The following GLIS3 variants were observed in gnomAD, a reference collection of about 807,000 sequenced individuals.
GLIS3 encodes zinc finger protein GLIS3.
Under a neutral mutation model 78.6 loss-of-function variants are expected in GLIS3, and 53 were observed. That is an observed-to-expected ratio of 0.67 (90% CI 0.54 to 0.85). GLIS3 has a LOEUF of 0.85. Among genes scored for constraint, GLIS3 ranks in the 40% least tolerant of loss-of-function variants. The pLI is 0.00. For missense variants in GLIS3, 1,703 were observed against 1,231.1 expected (o/e 1.38, Z -5.74); for synonymous variants, 684 against 509.9 (o/e 1.34, Z -4.60).
At chr9:4,397,520 G>A in the GLIS3 span, among the ~76,000 whole-genome samples, 15 of 151,732 alleles carry the variant, frequency 9.9e-5, no homozygotes, top group Non-Finnish European at 2.1e-4. Flanking sequence ...CCCAGAAACT[G>A]TTGAAGAAAA....
chr9:4,253,408 G>C (rs1480962398), intron 2 of GLIS3, among the ~76,000 whole-genome samples: 1 of 152,196 alleles, frequency 6.6e-6, no homozygotes, highest in Non-Finnish European at 1.5e-5. Flanking sequence ...TTTACACTAT[G>C]AGGGGAAAAC....
chr9:4,158,189 C>CT (rs1564130462), intron 2 of GLIS3, among the ~76,000 whole-genome samples: 1 of 152,166 alleles, frequency 6.6e-6, no homozygotes, highest in Non-Finnish European at 1.5e-5. Context: ...AGAATTCCTT[C>CT]TTATGTTTCA....
chr9:4,142,257 C>G (rs1464527508), intron 2 of GLIS3, among the ~76,000 whole-genome samples: 1 of 152,110 alleles, frequency 6.6e-6, no homozygotes, highest in African/African-American at 2.4e-5. Context: ...AATGCTAAAG[C>G]TGAGAATAAA....
intron 4 of GLIS3, among the ~76,000 whole-genome samples, chr9:4,086,816 T>G (rs926859505): frequency 6.6e-6 from 1 of 152,214 alleles, no homozygotes; most frequent in Non-Finnish European, 1.5e-5. Context: ...ATAACCCCTG[T>G]GGAGATTAAT....
chr9:4,081,457 G>C (rs1013707522), intron 4 of GLIS3: 1 of 152,200 alleles, frequency 6.6e-6, no homozygotes, highest in African/African-American at 2.4e-5. Context: ...CTTACCCGCT[G>C]TCAGTCCTCT....
intron 4 of GLIS3, among the ~76,000 whole-genome samples, chr9:4,067,083 C>T (rs1433831672): frequency 2.0e-5 from 3 of 152,134 alleles, no homozygotes; most frequent in Non-Finnish European, 2.9e-5. Context: ...TAGTTCCTTC[C>T]TTCCACAGTC....
the GLIS3 span, among the ~76,000 whole-genome samples, chr9:4,378,335 T>C: frequency 2.6e-5 from 4 of 152,160 alleles, no homozygotes; most frequent in African/African-American, 9.7e-5. Flanking sequence ...CCAGGTGCAA[T>C]TATTCAATGT....
chr9:4,354,240 C>T, the GLIS3 span, among the ~76,000 whole-genome samples: 1 of 152,120 alleles, frequency 6.6e-6, no homozygotes, highest in African/African-American at 2.4e-5. Flanking sequence ...AAATTAGACT[C>T]CCCATCTGAA....
chr9:4,348,396 T>A (rs1482822012), upstream of GLIS3: 1 of 152,132 alleles, frequency 6.6e-6, no homozygotes, highest in Non-Finnish European at 1.5e-5. Flanking sequence ...CACCTCCACA[T>A]CCCATGCAGT....
In GLIS3 at chr9:4,117,971, G is replaced by A. The variant is rs749914962; in HGVS notation, c.1507C>T (p.Arg503Cys). 6.2e-6 allele frequency: 10 copies of A among 1,613,534 alleles called. No homozygotes were observed. The highest frequency in any genetic ancestry group is 1.1e-5 in the South Asian group (1 of 91,066). ...MDGIGGKHCC[R>C]WIDCSALYDQ... ...TACAGGGCGCTGCAGTCGATCCAGC[G>A]GCAGCAATGCTTGCCCCCGATGCCG... Residue 503 changes from arginine (R) to cysteine (C), a missense_variant, in exon 4 of 11, where the codon CGC becomes TGC. By Grantham distance (180) the Arg-to-Cys change is radical (BLOSUM62 -3). Coordinates refer to ENST00000381971, the MANE Select transcript of GLIS3 (RefSeq NM_001042413.2).
At chr9:4,122,876 T>C (rs901148191) in intron 3 of GLIS3, among the ~76,000 whole-genome samples, 1 of 152,194 alleles carries the variant, frequency 6.6e-6, no homozygotes, top group African/African-American at 2.4e-5. Flanking sequence ...TATTCGAGTT[T>C]TGGCAAGGCC....
intron 6 of GLIS3, among the ~76,000 whole-genome samples, chr9:3,907,701 C>T (rs770904420): frequency 5.3e-5 from 8 of 151,640 alleles, no homozygotes; most frequent in Admixed American, 2.6e-4. Context: ...AATGCTGAGA[C>T]GTTATGTTCC....
intron 6 of GLIS3, among the ~76,000 whole-genome samples, chr9:3,908,505 C>T (rs973811462): frequency 6.6e-6 from 1 of 152,100 alleles, no homozygotes. Context: ...TGCAAGTAAA[C>T]AAGTTGGCTC....
chr9:4,273,427 T>A (rs1415782592), intron 2 of GLIS3, among the ~76,000 whole-genome samples: 1 of 151,890 alleles, frequency 6.6e-6, no homozygotes, highest in Non-Finnish European at 1.5e-5. Flanking sequence ...AGACCCCATC[T>A]CCACAGAAAA....
intron 2 of GLIS3, among the ~76,000 whole-genome samples, chr9:4,273,423 C>T (rs1313155954): frequency 6.6e-6 from 1 of 151,874 alleles, no homozygotes; most frequent in Non-Finnish European, 1.5e-5. Context: ...AGGGAGACCC[C>T]ATCTCCACAG....
intron 2 of GLIS3, among the ~76,000 whole-genome samples, chr9:4,198,775 G>A (rs1304871107): frequency 6.6e-6 from 1 of 151,992 alleles, no homozygotes; most frequent in Non-Finnish European, 1.5e-5. Context: ...ACTGTCCAAG[G>A]TCAATGCTAC....
chr9:4,252,814 T>G (rs1002936708), intron 2 of GLIS3, among the ~76,000 whole-genome samples: 3 of 152,228 alleles, frequency 2.0e-5, no homozygotes, highest in African/African-American at 2.4e-5. Flanking sequence ...TCCTTTTTGC[T>G]GATGTTGATG....
chr9:3,969,407 G>A (rs112069289), intron 4 of GLIS3, among the ~76,000 whole-genome samples: 36 of 152,282 alleles, frequency 2.4e-4, no homozygotes, highest in South Asian at 2.1e-4. Context: ...AGAGGTCTGC[G>A]GAAAGGATTT....
chr9:4,036,014 C>A (rs193165973), intron 4 of GLIS3: 7 of 152,224 alleles, frequency 4.6e-5, no homozygotes, highest in African/African-American at 1.7e-4. Flanking sequence ...GGCCTTGAGC[C>A]GCCTGGAGTT....
Sources: gnomAD v4.1 joint callset for allele counts (sites outside exome capture counted in the v4.1 genomes callset) on GRCh38, gnomAD v4.1.1 for gene constraint, MANE v1.5 for transcripts, NCBI Gene and HGNC (gene_info 2026-07-23, HGNC 2026-07-21) for gene names.